MTMR3: variants seen among roughly 807,000 people sequenced by gnomAD.
MTMR3 encodes myotubularin related protein 3, also known as phosphatidylinositol-3,5-bisphosphate 3-phosphatase MTMR3.
Under a neutral mutation model 132.4 loss-of-function variants are expected in MTMR3, and 32 were observed. The ratio of observed to expected loss-of-function variants is 0.24; its 90% CI spans 0.18 to 0.32. MTMR3 has a LOEUF of 0.32. Ranked by LOEUF, MTMR3 falls within the 10% of genes least tolerant of loss-of-function variation. The probability of loss-of-function intolerance (pLI) is 1.00; values close to 1 mark genes in which losing one functional copy is unlikely to be tolerated. For missense variants in MTMR3, 1,216 were observed against 1,489.6 expected (o/e 0.82, Z 3.02); for synonymous variants, 556 against 550.3 (o/e 1.01, Z -0.14).
chr22:29,969,520 C>CT (rs146551289), intron 2 of MTMR3, among the ~76,000 whole-genome samples: 6,517 of 151,642 alleles, frequency 0.043, 463 homozygotes, highest in African/African-American at 0.15. Flanking sequence ...CAAAATGATT[C>CT]TTTTTTTTGT....
At chr22:29,937,979 G>C (rs2065783148) in intron 1 of MTMR3, among the ~76,000 whole-genome samples, 1 of 152,046 alleles carries the variant, frequency 6.6e-6, no homozygotes, top group South Asian at 2.1e-4. Context: ...TAGCATAAAG[G>C]AAACTATTGA....
intron 1 of MTMR3, among the ~76,000 whole-genome samples, chr22:29,947,393 C>A (rs1300048184): frequency 6.7e-6 from 1 of 150,060 alleles, no homozygotes; most frequent in African/African-American, 2.5e-5. Flanking sequence ...GATGTATAAA[C>A]AATATACTTA....
intron 1 of MTMR3, among the ~76,000 whole-genome samples, chr22:29,930,861 G>A (rs2065628445): frequency 6.6e-6 from 1 of 151,898 alleles, no homozygotes; most frequent in Non-Finnish European, 1.5e-5. Context: ...AAAAAAATTA[G>A]CTGGTCATGC....
intron 1 of MTMR3, among the ~76,000 whole-genome samples, chr22:29,912,434 C>T (rs373298539): frequency 6.6e-6 from 1 of 152,078 alleles, no homozygotes; most frequent in Non-Finnish European, 1.5e-5. Context: ...CAGGTGTGCG[C>T]TACCATGCCT....
In MTMR3 at chr22:29,966,765, G is replaced by C. The variant is rs977049606; in HGVS notation, c.-84-4211G>C. Among the ~76,000 whole-genome samples the C allele has an allele frequency of 4.6e-3, 674 of 147,022 alleles. 6 individuals are homozygous for C. Among genetic ancestry groups the C allele is most frequent in the African/African-American group, 0.016 (636 of 39,004 alleles). ...TGTGTGTGTGTGTGTGTGTGTGTGT[G>C]TGTGTGTCTGTCTCTGTGTGTGTGT... On this transcript the variant is annotated intron_variant, in intron 2 of 19. Transcript: ENST00000401950.
intron 1 of MTMR3, among the ~76,000 whole-genome samples, chr22:29,887,048 C>A (rs1386832178): frequency 2.0e-5 from 3 of 152,136 alleles, no homozygotes; most frequent in Non-Finnish European, 4.4e-5. Context: ...TTAGAGGCTA[C>A]CAAATTATTA....
intron 9 of MTMR3, chr22:30,006,480 G>T (rs2067275534): frequency 6.6e-6 from 1 of 152,318 alleles, no homozygotes; most frequent in African/African-American, 2.4e-5. Context: ...CTATTGGGTA[G>T]CAGAATTAGT....
At chr22:29,963,843 G>GA (rs398061878) in intron 2 of MTMR3, among the ~76,000 whole-genome samples, 53,964 of 143,660 alleles carry the variant, frequency 0.38, 10,419 homozygotes, top group East Asian at 0.71. Flanking sequence ...CCCTGTAGTG[G>GA]AAAAAAAAAA....
At chr22:29,891,864 C>T (rs116419402) in intron 1 of MTMR3, among the ~76,000 whole-genome samples, 1,625 of 152,088 alleles carry the variant, frequency 0.011, 34 homozygotes, top group African/African-American at 0.038. Flanking sequence ...TTTAAAATGT[C>T]CCATGCTAGG....
chr22:29,952,471 TTA>T (rs2066102848), intron 1 of MTMR3, among the ~76,000 whole-genome samples: 1 of 152,000 alleles, frequency 6.6e-6, no homozygotes, highest in South Asian at 2.1e-4. Flanking sequence ...TGACAGAATT[TTA>T]TATTTATATT....
chr22:29,984,689 G>C (rs991292613), intron 5 of MTMR3: 2 of 152,210 alleles, frequency 1.3e-5, no homozygotes, highest in Non-Finnish European at 1.5e-5. Context: ...GTTGCTACAA[G>C]ACATTGAATC....
chr22:29,973,660 C>T (rs977508263), intron 3 of MTMR3, among the ~76,000 whole-genome samples: 2 of 152,120 alleles, frequency 1.3e-5, no homozygotes, highest in South Asian at 2.1e-4. Flanking sequence ...AATGCAATGG[C>T]GTGATCTTGG....
rs1054470702 is a variant in MTMR3, at chr22:30,030,313, G to A, written c.*4512G>A. On this transcript the variant is annotated 3_prime_UTR_variant, in exon 20 of 20. Coordinates refer to ENST00000401950, the MANE Select transcript of MTMR3 (RefSeq NM_021090.4). ...TGTTTTACATTGCCATTTAAAATTG[G>A]CCTTTAACAGCTTCCCAACTAGCTT... 8 of 151,192 alleles carry A rather than the reference G, an allele frequency of 5.3e-5. No individual in the cohort carries two copies. Among genetic ancestry groups the A allele is most frequent in the Admixed American group, 1.3e-4 (2 of 15,024 alleles). The allele number at this position is 151,192 out of a possible 1,614,324, so 9.4% of individuals were successfully genotyped here.
intron 1 of MTMR3, among the ~76,000 whole-genome samples, chr22:29,927,202 A>C (rs1046618284): frequency 6.6e-6 from 1 of 152,224 alleles, no homozygotes; most frequent in Non-Finnish European, 1.5e-5. Context: ...TTTAAATTCT[A>C]TTCCATTGAT....
rs2067976462 is a variant in MTMR3, at chr22:30,029,664, C to G, written c.*3863C>G. On this transcript the variant is annotated 3_prime_UTR_variant, in exon 20 of 20. Transcript: ENST00000401950. ...GAGGGCTGATTTGAAGGTGCTGTTG[C>G]AGGATTTCATTTAGCTGCTGCCAGT... 6.6e-6 allele frequency: 1 copy of G among 152,368 alleles called. No homozygotes were observed. Among genetic ancestry groups the G allele is most frequent in the African/African-American group, 2.4e-5 (1 of 41,452 alleles). 9.4% of individuals were successfully genotyped at this position (152,368 alleles called of 1,614,324 possible).
At chr22:29,894,558 A>C (rs1184518505) in intron 1 of MTMR3, among the ~76,000 whole-genome samples, 1 of 151,322 alleles carries the variant, frequency 6.6e-6, no homozygotes, top group Non-Finnish European at 1.5e-5. Flanking sequence ...TTTAAATATC[A>C]AATGGAGTTG....
In MTMR3 at chr22:29,970,960, T is replaced by TTC; in HGVS notation, c.-84-16_-84-15insTC. 2.6e-5 allele frequency: 14 copies of TTC among 529,950 alleles called. No homozygotes were observed. Among genetic ancestry groups the TTC allele is most frequent in the East Asian group, 6.1e-5 (1 of 16,282 alleles). The allele number at this position is 529,950 out of a possible 1,614,324, so 32.8% of individuals were successfully genotyped here. A position where few individuals can be genotyped will look rare whatever the true frequency, so the allele number is the denominator to read the frequency against. On this transcript the variant is annotated splice_polypyrimidine_tract_variant and intron_variant, in intron 2 of 19. Coordinates refer to ENST00000401950, the MANE Select transcript of MTMR3 (RefSeq NM_021090.4). The stretch of plus-strand genomic sequence containing the variant: ...CTTTTTTTTTTCTTCTTCCCCCTCT[T>TTC]CCCCCCCACCCCCAGACTTCACCAT...
intron 9 of MTMR3, chr22:30,005,378 A>G (rs1048154559): frequency 6.6e-6 from 1 of 152,220 alleles, no homozygotes. Context: ...ACTATAATGC[A>G]GTGTCCCCTA....
intron 1 of MTMR3, among the ~76,000 whole-genome samples, chr22:29,918,290 C>T (rs2145762859): frequency 6.6e-6 from 1 of 152,296 alleles, no homozygotes; most frequent in Admixed American, 6.5e-5. Context: ...CTGAATAGCA[C>T]TTTTCTTCTT....
Sources: gnomAD v4.1 joint callset for allele counts (sites outside exome capture counted in the v4.1 genomes callset) on GRCh38, gnomAD v4.1.1 for gene constraint, MANE v1.5 for transcripts, NCBI Gene and HGNC (gene_info 2026-07-23, HGNC 2026-07-21) for gene names.